Variants in GRIK4 observed in about 807,000 individuals in gnomAD.
GRIK4 encodes glutamate receptor ionotropic, kainate 4.
Under a neutral mutation model 104.9 loss-of-function variants are expected in GRIK4, and 40 were observed. The observed-to-expected ratio is 0.38, with a 90% confidence interval of 0.30 to 0.50. The LOEUF (loss-of-function observed/expected upper bound fraction) is 0.50. Ranked by LOEUF, GRIK4 falls within the 20% of genes least tolerant of loss-of-function variation. GRIK4 has a pLI of 0.93. For synonymous variants in GRIK4, 485 were observed against 524.9 expected (o/e 0.92, Z 1.04); for missense variants, 1,047 against 1,308.1 (o/e 0.80, Z 3.08).
intron 6 of GRIK4, among the ~76,000 whole-genome samples, chr11:120,828,414 GAGA>G (rs1352706014): frequency 1.3e-5 from 2 of 152,218 alleles, no homozygotes; most frequent in Middle Eastern, 3.2e-3. Flanking sequence ...GGAGAATGGA[GAGA>G]AGGTTTCAGG....
intron 1 of GRIK4, among the ~76,000 whole-genome samples, chr11:120,616,639 G>T (rs1949118879): frequency 6.6e-6 from 1 of 152,230 alleles, no homozygotes; most frequent in Admixed American, 6.5e-5. Flanking sequence ...AGGGACTGGA[G>T]ATGGTCATGC....
chr11:120,634,670 G>A (rs1949375165), intron 1 of GRIK4, among the ~76,000 whole-genome samples: 1 of 152,176 alleles, frequency 6.6e-6, no homozygotes, highest in Non-Finnish European at 1.5e-5. Flanking sequence ...AAACCCCAGT[G>A]ATCTGGAGAC....
chr11:120,799,361 G>A (rs1321388928), intron 3 of GRIK4, among the ~76,000 whole-genome samples: 2 of 152,186 alleles, frequency 1.3e-5, no homozygotes, highest in Non-Finnish European at 2.9e-5. Flanking sequence ...GTTTTCAGAG[G>A]TCCAGGGGCA....
rs147083945 is a variant in GRIK4, at chr11:120,591,962, T to A, written c.-158-61723T>A. ...TAATTTGAGCAGATGTGTATCAGTG[T>A]CCTAGGAAATAAAAGATGTCAGTAC... is the stretch of plus-strand genomic sequence containing the variant. On this transcript the variant is annotated intron_variant, in intron 1 of 20. Coordinates refer to ENST00000527524, the MANE Select transcript of GRIK4 (RefSeq NM_014619.5). 3.3e-5 allele frequency among the ~76,000 whole-genome samples: 5 copies of A among 152,184 alleles called. No homozygotes were observed. The East Asian group carries it at 9.7e-4, about 29-fold the overall frequency.
intron 3 of GRIK4, among the ~76,000 whole-genome samples, chr11:120,757,680 T>C (rs1037231097): frequency 6.6e-6 from 1 of 152,142 alleles, no homozygotes; most frequent in African/African-American, 2.4e-5. Flanking sequence ...GAAATACTGG[T>C]TTGCCGAATT....
At chr11:120,621,494 A>G (rs1936677933) in intron 1 of GRIK4, among the ~76,000 whole-genome samples, 1 of 152,182 alleles carries the variant, frequency 6.6e-6, no homozygotes. Context: ...GGTAGACACA[A>G]AGAAGACTTC....
At chr11:120,765,111 G>C (rs1392249430) in intron 3 of GRIK4, among the ~76,000 whole-genome samples, 1 of 151,954 alleles carries the variant, frequency 6.6e-6, no homozygotes, top group Non-Finnish European at 1.5e-5. Flanking sequence ...CGTAGGTTTT[G>C]TCTTTTCTTA....
At chr11:120,621,446 C>T (rs536818198) in intron 1 of GRIK4, among the ~76,000 whole-genome samples, 2 of 152,314 alleles carry the variant, frequency 1.3e-5, no homozygotes, top group East Asian at 1.9e-4. Flanking sequence ...GAAACCCCCT[C>T]CCAGCTCATC....
intron 6 of GRIK4, among the ~76,000 whole-genome samples, chr11:120,828,375 G>A (rs1381520520): frequency 6.6e-6 from 1 of 152,216 alleles, no homozygotes; most frequent in Non-Finnish European, 1.5e-5. Context: ...CCTGTAAGAG[G>A]TGGGAGACGT....
Position 120,819,847 on chromosome 11 carries a change from C to G in GRIK4, c.438C>G (p.Ile146Met). ...ACCTCCACCCCAGCAACACTGACAT[C>G]AGCGTGGCTGTAGCTGGGATCCTGA... ...TLNLHPSNTD[I>M]SVAVAGILNF... The change falls in exon 6 of 21, where the codon ATC becomes ATG. Residue 146 changes from isoleucine (I) to methionine (M), a missense_variant. Physicochemically the swap from Ile to Met is conservative, Grantham distance 10. Transcript: ENST00000527524. This position sits in a 1 kb window ranked among gnomAD's most constrained non-coding sequence, Gnocchi z 4.3. The G allele has an allele frequency of 6.2e-7, 1 of 1,614,084 alleles. No homozygotes were observed.
chr11:120,614,519 A>G (rs1355592924), intron 1 of GRIK4, among the ~76,000 whole-genome samples: 1 of 152,136 alleles, frequency 6.6e-6, no homozygotes, highest in Non-Finnish European at 1.5e-5. Context: ...AGAAGTGGAC[A>G]TGGCCCCACA....
Position 120,585,345 on chromosome 11 carries a change from T to C in GRIK4, c.-158-68340T>C, listed in dbSNP as rs371775816. On this transcript the variant is annotated intron_variant, in intron 1 of 20. Coordinates refer to ENST00000527524, the MANE Select transcript of GRIK4 (RefSeq NM_014619.5). ...ATTCTCTCTCTCCCTCTCTCTCTCT[T>C]TTTTTTTTTTCTTTTTTTTTGTGAG... 5.9e-3 allele frequency among the ~76,000 whole-genome samples: 455 copies of C among 77,238 alleles called. 2 individuals carry two copies. Among genetic ancestry groups the C allele is most frequent in the African/African-American group, 0.013 (417 of 31,004 alleles). The allele number at this position is 77,238 out of a possible 152,430, so 50.7% of individuals were successfully genotyped here.
intron 1 of GRIK4, among the ~76,000 whole-genome samples, chr11:120,560,496 A>G (rs777939382): frequency 2.6e-5 from 4 of 152,220 alleles, no homozygotes; most frequent in African/African-American, 9.6e-5. Context: ...ACAGTGATAT[A>G]CGGAAGTAAA....
chr11:120,831,872 C>T lies in GRIK4; in HGVS notation c.532C>T (p.Leu178=). The T allele has an allele frequency of 6.2e-7, 1 of 1,613,764 alleles. No individual in the cohort carries two copies. The highest frequency in any genetic ancestry group is 8.5e-7 in the Non-Finnish European group (1 of 1,179,814). ...KAECLLNLEK[L]LRQFLISKDT... is the part of the protein sequence containing the mutation. ...TCCAGGCCTTTTAAACCTAGAGAAG[C>T]TGCTCCGGCAATTCCTTATCTCCAA... Residue 178 remains leucine, a synonymous_variant, in exon 7 of 21, where the codon CTG becomes TTG. Transcript: ENST00000527524.
intron 1 of GRIK4, among the ~76,000 whole-genome samples, chr11:120,621,426 CGTT>C (rs375884506): frequency 2.4e-4 from 37 of 152,256 alleles, no homozygotes; most frequent in African/African-American, 8.9e-4. Flanking sequence ...CAAGGAAACT[CGTT>C]GTAACAGAAA....
chr11:120,803,191 G>A (rs568504740), intron 4 of GRIK4, among the ~76,000 whole-genome samples: 6 of 152,246 alleles, frequency 3.9e-5, no homozygotes, highest in East Asian at 1.9e-4. Flanking sequence ...TAAGAGAGAC[G>A]GCCAGCCCAA....
At chr11:120,912,766 G>A (rs915012506) in intron 13 of GRIK4, among the ~76,000 whole-genome samples, 3 of 152,224 alleles carry the variant, frequency 2.0e-5, no homozygotes, top group African/African-American at 4.8e-5. Context: ...GTAAGCAGCT[G>A]CTCAGAATTG....
chr11:120,722,688 G>GGCTCTTCTGAAA (rs910555370), intron 3 of GRIK4, among the ~76,000 whole-genome samples: 1 of 152,066 alleles, frequency 6.6e-6, no homozygotes, highest in African/African-American at 2.4e-5. Flanking sequence ...TCCCGACTTG[G>GGCTCTTCTGAAA]GCTCTTCTGA....
At chr11:120,528,514 C>T (rs994997769) in intron 1 of GRIK4, among the ~76,000 whole-genome samples, 3 of 152,202 alleles carry the variant, frequency 2.0e-5, no homozygotes, top group Admixed American at 1.3e-4. Context: ...CCCTTCTTTC[C>T]TCTGAGCCTG....
Sources: gnomAD v4.1 joint callset for allele counts (sites outside exome capture counted in the v4.1 genomes callset) on GRCh38, gnomAD v4.1.1 for gene constraint, Gnocchi (gnomAD v3.1) non-coding constraint, MANE v1.5 for transcripts, NCBI Gene and HGNC (gene_info 2026-07-23, HGNC 2026-07-21) for gene names.